TASP1: variants seen among roughly 807,000 people sequenced by gnomAD.
TASP1 encodes threonine aspartase 1.
TASP1 carries 16 observed loss-of-function variants against 56.6 expected under a neutral mutation model. That is an observed-to-expected ratio of 0.28 (90% CI 0.19 to 0.43). The LOEUF is 0.43. Ranked by LOEUF, TASP1 falls within the 20% of genes least tolerant of loss-of-function variation. TASP1 has a pLI of 1.00. For missense variants in TASP1, 393 were observed against 511.6 expected, an observed-to-expected ratio of 0.77 and a Z score of 2.24; for synonymous variants, 179 against 184.2, an observed-to-expected ratio of 0.97 and a Z score of 0.23.
intron 8 of TASP1, among the ~76,000 whole-genome samples, chr20:13,547,397 C>A (rs1223794506): frequency 1.3e-5 from 2 of 152,230 alleles, no homozygotes; most frequent in East Asian, 3.9e-4. Context: ...CTGCTTATCC[C>A]ATTAAGGGAA....
intron 11 of TASP1, among the ~76,000 whole-genome samples, chr20:13,436,442 G>A (rs1475357722): frequency 1.3e-5 from 2 of 151,690 alleles, no homozygotes; most frequent in Non-Finnish European, 1.5e-5. Context: ...TTATTCTCTA[G>A]CTCTTTACAG....
At chr20:13,589,404 C>A (rs747673940) in intron 4 of TASP1, among the ~76,000 whole-genome samples, 1 of 152,008 alleles carries the variant, frequency 6.6e-6, no homozygotes, top group Non-Finnish European at 1.5e-5. Context: ...AATTAGATAG[C>A]CACATGTAAG....
chr20:13,426,351 T>C (rs1307812662), intron 12 of TASP1, among the ~76,000 whole-genome samples: 1 of 152,198 alleles, frequency 6.6e-6, no homozygotes, highest in East Asian at 1.9e-4. Flanking sequence ...TTCCTGAGTG[T>C]AATAAGAATT....
intron 8 of TASP1, among the ~76,000 whole-genome samples, chr20:13,551,399 G>A (rs1251748372): frequency 6.6e-6 from 1 of 151,864 alleles, no homozygotes; most frequent in Non-Finnish European, 1.5e-5. Flanking sequence ...ACATTCAACT[G>A]TAAAATCTGT....
the TASP1 span, among the ~76,000 whole-genome samples, chr20:13,192,458 T>C: frequency 6.6e-6 from 1 of 152,064 alleles, no homozygotes; most frequent in African/African-American, 2.4e-5. Context: ...CAGGATCACT[T>C]GAACCCAAGT....
chr20:13,577,512 T>A (rs2046965665), intron 6 of TASP1, among the ~76,000 whole-genome samples: 2 of 152,168 alleles, frequency 1.3e-5, no homozygotes, highest in African/African-American at 4.8e-5. Context: ...TGATAATATT[T>A]GGAGATGGGG....
the TASP1 span, among the ~76,000 whole-genome samples, chr20:13,200,074 C>T: frequency 6.6e-6 from 1 of 152,024 alleles, no homozygotes; most frequent in African/African-American, 2.4e-5. Context: ...TTTCCCAAAA[C>T]AAAAAAATAG....
intron 13 of TASP1, among the ~76,000 whole-genome samples, chr20:13,394,280 G>A (rs1249317706): frequency 3.1e-5 from 4 of 128,314 alleles, no homozygotes; most frequent in Non-Finnish European, 6.3e-5. Context: ...AGCCAACCTC[G>A]TGCCACTGCA....
chr20:13,556,906 C>T (rs780950015), intron 8 of TASP1, among the ~76,000 whole-genome samples: 8 of 152,208 alleles, frequency 5.3e-5, no homozygotes, highest in Non-Finnish European at 1.2e-4. Context: ...TCCTTCATAA[C>T]AGTTACAAGA....
chr20:13,555,610 C>T (rs2046130438), intron 8 of TASP1, among the ~76,000 whole-genome samples: 1 of 152,114 alleles, frequency 6.6e-6, no homozygotes, highest in Non-Finnish European at 1.5e-5. Flanking sequence ...ACATCCACAG[C>T]GACTTCCTCC....
At chr20:13,319,230 A>AT in the TASP1 span, among the ~76,000 whole-genome samples, 1 of 152,212 alleles carries the variant, frequency 6.6e-6, no homozygotes, top group Non-Finnish European at 1.5e-5. Context: ...AAGAAAAAAA[A>AT]AAACACTAAT....
At chr20:13,261,548 G>A in the TASP1 span, among the ~76,000 whole-genome samples, 3 of 152,102 alleles carry the variant, frequency 2.0e-5, no homozygotes, top group African/African-American at 7.2e-5. Context: ...AAGTGCAGAG[G>A]TGCAATAACT....
chr20:13,270,597 C>T, the TASP1 span: 2 of 1,613,986 alleles, frequency 1.2e-6, no homozygotes, highest in Non-Finnish European at 8.5e-7. Context: ...CCAGGCTGCA[C>T]ACCAACCCTT....
chr20:13,180,337 C>T, the TASP1 span, among the ~76,000 whole-genome samples: 46 of 152,274 alleles, frequency 3.0e-4, no homozygotes, highest in East Asian at 8.7e-3. Flanking sequence ...CCTACCAAGC[C>T]CTATTCTAGG....
chr20:13,311,251 A>AGATAGATAGATAGATAGAT, the TASP1 span, among the ~76,000 whole-genome samples: 9 of 127,596 alleles, frequency 7.1e-5, no homozygotes, highest in African/African-American at 1.6e-4. Context: ...GATGATAGAT[A>AGATAGATAGATAGATAGAT]GATAGATAGA....
At chr20:13,200,316 G>C in the TASP1 span, among the ~76,000 whole-genome samples, 1 of 152,192 alleles carries the variant, frequency 6.6e-6, no homozygotes, top group Non-Finnish European at 1.5e-5. Context: ...TTTGGAAAGG[G>C]ACCTGTCCCT....
At chr20:13,274,671 C>A in the TASP1 span, among the ~76,000 whole-genome samples, 1 of 126,174 alleles carries the variant, frequency 7.9e-6, no homozygotes, top group African/African-American at 2.7e-5. Flanking sequence ...CCACTCCCCG[C>A]CCCCCCCGCG....
At chr20:13,614,169 T>G (rs992028308) in intron 4 of TASP1, among the ~76,000 whole-genome samples, 7 of 152,164 alleles carry the variant, frequency 4.6e-5, no homozygotes, top group African/African-American at 1.7e-4. Flanking sequence ...TGTGTTAAAG[T>G]AATATTTTAG....
the TASP1 span, among the ~76,000 whole-genome samples, chr20:13,214,312 C>T: frequency 6.6e-6 from 1 of 152,138 alleles, no homozygotes; most frequent in African/African-American, 2.4e-5. Flanking sequence ...TCTATTTAGG[C>T]TCAGCTTACC....
Sources: allele counts gnomAD v4.1 joint callset (sites outside exome capture counted in the v4.1 genomes callset), GRCh38; gene constraint gnomAD v4.1.1; transcripts MANE v1.5; gene names NCBI Gene and HGNC (gene_info 2026-07-23, HGNC 2026-07-21).